RASEF: variants seen among roughly 807,000 people sequenced by gnomAD.
RASEF encodes the protein RAS and EF-hand domain containing.
In RASEF, 68 loss-of-function variants were observed where a neutral mutation model predicts 90.1. The ratio of observed to expected loss-of-function variants is 0.75; its 90% CI spans 0.62 to 0.92. The LOEUF (loss-of-function observed/expected upper bound fraction) is 0.92. Among genes scored for constraint, RASEF ranks in the 40% least tolerant of loss-of-function variants. The pLI, the probability that RASEF is intolerant of heterozygous loss-of-function variation, is 0.00. For missense variants in RASEF, 949 were observed against 937.2 expected, an observed-to-expected ratio of 1.01 and a Z score of -0.16; for synonymous variants, 331 against 345.2, an observed-to-expected ratio of 0.96 and a Z score of 0.46.
chr9:83,200,265 G>A, the RASEF span, among the ~76,000 whole-genome samples: 5 of 151,824 alleles, frequency 3.3e-5, no homozygotes, highest in Admixed American at 6.6e-5. Context: ...GTGTAGTGGC[G>A]GTTGCCTGTA....
At chr9:83,134,449 CAT>C in the RASEF span, among the ~76,000 whole-genome samples, 671 of 139,356 alleles carry the variant, frequency 4.8e-3, 3 homozygotes, top group African/African-American at 0.014. Flanking sequence ...CACACACACA[CAT>C]ATATATATAT....
chr9:83,196,414 A>G, the RASEF span, among the ~76,000 whole-genome samples: 5 of 152,156 alleles, frequency 3.3e-5, 1 homozygote, highest in African/African-American at 1.2e-4. Context: ...AAAAGGAACT[A>G]TGACTTCTCT....
At chr9:82,994,926 C>T (rs756844593) in intron 14 of RASEF, among the ~76,000 whole-genome samples, 5 of 152,290 alleles carry the variant, frequency 3.3e-5, no homozygotes, top group Middle Eastern at 3.4e-3. Context: ...CATTCATTTC[C>T]GCCCATATTT....
the RASEF span, among the ~76,000 whole-genome samples, chr9:83,167,080 G>A: frequency 6.6e-6 from 1 of 152,076 alleles, no homozygotes; most frequent in Non-Finnish European, 1.5e-5. Context: ...ATCTGCAAGT[G>A]GGATCAAAGT....
the RASEF span, among the ~76,000 whole-genome samples, chr9:83,213,971 G>C: frequency 2.0e-5 from 3 of 152,178 alleles, no homozygotes; most frequent in Admixed American, 6.5e-5. Context: ...TGTAATCCCA[G>C]CTATTTGAGA....
chr9:83,021,271 G>A (rs1829439818), intron 3 of RASEF, among the ~76,000 whole-genome samples: 1 of 152,120 alleles, frequency 6.6e-6, no homozygotes, highest in African/African-American at 2.4e-5. Context: ...CAGAGGTTGG[G>A]TTATTTTCCC....
the RASEF span, among the ~76,000 whole-genome samples, chr9:83,164,373 A>ATATATATATATATATATGTG: frequency 1.4e-5 from 2 of 141,974 alleles, no homozygotes; most frequent in Admixed American, 7.1e-5. Context: ...ATATATATAT[A>ATATATATATATATATATGTG]TGTGTGTGTG....
chr9:83,216,848 G>T, the RASEF span, among the ~76,000 whole-genome samples: 1 of 152,082 alleles, frequency 6.6e-6, no homozygotes, highest in African/African-American at 2.4e-5. Context: ...CCCCATGTAA[G>T]TCTGAAATTC....
At chr9:83,131,607 C>A in the RASEF span, among the ~76,000 whole-genome samples, 2 of 152,208 alleles carry the variant, frequency 1.3e-5, no homozygotes, top group South Asian at 2.1e-4. Flanking sequence ...TTTTCCAGGG[C>A]CATTCTGGAT....
chr9:83,109,314 C>T, the RASEF span, among the ~76,000 whole-genome samples: 7 of 152,264 alleles, frequency 4.6e-5, no homozygotes, highest in South Asian at 4.1e-4. Flanking sequence ...CTGGGAGCAA[C>T]GTGATAGTTT....
chr9:83,141,613 C>T, the RASEF span, among the ~76,000 whole-genome samples: 42,740 of 152,124 alleles, frequency 0.28, 6,236 homozygotes, highest in East Asian at 0.52. Flanking sequence ...GGGGCTGCTC[C>T]AGTTCTTTCC....
In RASEF at chr9:83,062,538, G is replaced by A. The variant is rs767790927; in HGVS notation, c.330C>T (p.Asp110=). 11 of 1,606,340 alleles carry A rather than the reference G, an allele frequency of 6.8e-6. No homozygotes were observed. Among genetic ancestry groups the A allele is most frequent in the Non-Finnish European group, 9.3e-6 (11 of 1,176,828 alleles). The change falls in exon 1 of 17, where the codon GAC becomes GAT. Residue 110 remains aspartate (D), a synonymous_variant. Transcript: ENST00000376447. The part of the protein sequence containing the change: ...HDSEEDEGDE[D]AAAALATSCG... The stretch of plus-strand genomic sequence containing the variant: ...ACGAGGTGGCCAGCGCCGCCGCCGC[G>A]TCCTCGTCGCCTTCGTCCTCCTCGC...
intron 10 of RASEF, 138 bp downstream of exon 10, chr9:83,000,758 G>T: frequency 8.7e-6 from 8 of 920,804 alleles, no homozygotes; most frequent in South Asian, 1.8e-5. Context: ...CTAACTCTGT[G>T]GAGGAAAAAG....
intron 1 of RASEF, among the ~76,000 whole-genome samples, chr9:83,039,213 T>TA (rs1180434378): frequency 6.6e-6 from 1 of 152,160 alleles, no homozygotes; most frequent in African/African-American, 2.4e-5. Context: ...CGGCCCTGAA[T>TA]ACTCCAGTCA....
At chr9:83,109,816 A>G in the RASEF span, among the ~76,000 whole-genome samples, 1 of 152,168 alleles carries the variant, frequency 6.6e-6, no homozygotes, top group Admixed American at 6.5e-5. Context: ...CAGACGCGTT[A>G]TAAATTCCCC....
intron 15 of RASEF, among the ~76,000 whole-genome samples, chr9:82,990,964 G>C (rs1360435882): frequency 6.6e-6 from 1 of 152,166 alleles, no homozygotes; most frequent in South Asian, 2.1e-4. Flanking sequence ...CCCAGCCATA[G>C]TGCATATGAT....
chr9:83,170,849 T>C, the RASEF span, among the ~76,000 whole-genome samples: 1 of 151,862 alleles, frequency 6.6e-6, no homozygotes, highest in East Asian at 1.9e-4. Context: ...TTCTAAATAT[T>C]AGATCATATT....
intron 5 of RASEF, among the ~76,000 whole-genome samples, chr9:83,010,912 A>G (rs994532268): frequency 6.6e-6 from 1 of 152,152 alleles, no homozygotes; most frequent in Admixed American, 6.5e-5. Flanking sequence ...TCATTTTAAA[A>G]TATGAACAGA....
rs888581216 is a variant in RASEF at position 83,049,332 on chromosome 9, T to C, written c.431+13105A>G. 1.3e-5 allele frequency: 13 copies of C among 985,284 alleles called. No individual in the cohort carries two copies. In the African/African-American group the frequency reaches 2.1e-4, roughly 16 times the overall value. The allele number at this position is 985,284 out of a possible 1,614,324, so 61.0% of individuals were successfully genotyped here. A position where few individuals can be genotyped will look rare whatever the true frequency, so the allele number is the denominator to read the frequency against. On this transcript the variant is annotated intron_variant, in intron 1 of 16. Transcript: ENST00000376447. ...CAGCTAACCTGACGGGGATGCAGTT[T>C]TCCAAGCTACATCTCCACAGTCAAT...
Sources: allele counts gnomAD v4.1 joint callset (sites outside exome capture counted in the v4.1 genomes callset), GRCh38; gene constraint gnomAD v4.1.1; transcripts MANE v1.5; gene names NCBI Gene and HGNC (gene_info 2026-07-23, HGNC 2026-07-21).